Variants in WWOX observed in about 807,000 individuals in gnomAD.
The protein encoded by WWOX is WW domain-containing oxidoreductase.
Under a neutral mutation model 46.2 loss-of-function variants are expected in WWOX, and 69 were observed. The ratio of observed to expected loss-of-function variants is 1.49; its 90% CI spans 1.23 to 1.82. The LOEUF is 1.82. WWOX is among the 40% of genes most tolerant of loss of function. The probability of loss-of-function intolerance (pLI) is 0.00; values close to 1 mark genes in which losing one functional copy is unlikely to be tolerated. For missense variants in WWOX, 919 were observed against 542.6 expected, an observed-to-expected ratio of 1.69 and a Z score of -6.89; for synonymous variants, 359 against 202.6, an observed-to-expected ratio of 1.77 and a Z score of -6.56.
chr16:78,629,259 G>C (rs1462428668), intron 8 of WWOX, among the ~76,000 whole-genome samples: 2 of 151,224 alleles, frequency 1.3e-5, no homozygotes, highest in Non-Finnish European at 2.9e-5. Flanking sequence ...CCTCTGCAAG[G>C]GATGGGGTCA....
intron 4 of WWOX, among the ~76,000 whole-genome samples, chr16:78,144,169 A>G (rs992563898): frequency 5.3e-5 from 8 of 151,806 alleles, no homozygotes; most frequent in East Asian, 1.9e-4. Flanking sequence ...GTTGTATGCA[A>G]TTGTCTATTA....
chr16:78,436,729 G>C (rs1305414939), intron 8 of WWOX, among the ~76,000 whole-genome samples: 1 of 152,106 alleles, frequency 6.6e-6, no homozygotes, highest in Non-Finnish European at 1.5e-5. Context: ...ATTTAGGAGA[G>C]GAATCACTGT....
At chr16:78,481,068 A>C (rs1482017111) in intron 8 of WWOX, among the ~76,000 whole-genome samples, 3 of 152,230 alleles carry the variant, frequency 2.0e-5, no homozygotes, top group East Asian at 1.9e-4. Flanking sequence ...AAAAACAAAA[A>C]TCTAAATTAG....
intron 5 of WWOX, among the ~76,000 whole-genome samples, chr16:78,322,141 C>A (rs1026268009): frequency 1.3e-5 from 2 of 151,934 alleles, no homozygotes; most frequent in African/African-American, 4.8e-5. Flanking sequence ...TCTCACTTGC[C>A]CTGCCAGGGG....
intron 8 of WWOX, among the ~76,000 whole-genome samples, chr16:79,024,173 A>G (rs1161238455): frequency 6.6e-6 from 1 of 152,182 alleles, no homozygotes; most frequent in Non-Finnish European, 1.5e-5. Context: ...CTAGAATTAG[A>G]TCGTGTTGAT....
chr16:78,825,768 A>G (rs1242893315), intron 8 of WWOX: 1 of 592,940 alleles, frequency 1.7e-6, no homozygotes, highest in Non-Finnish European at 3.2e-6. Flanking sequence ...GACCATGTTA[A>G]CTAGTACATT....
chr16:78,790,525 A>G (rs1041127450), intron 8 of WWOX, among the ~76,000 whole-genome samples: 4 of 152,296 alleles, frequency 2.6e-5, no homozygotes, highest in Non-Finnish European at 5.9e-5. Context: ...AGTTCAGCCA[A>G]AAGAGACCAG....
At chr16:79,045,217 G>A (rs565657240) in intron 8 of WWOX, among the ~76,000 whole-genome samples, 18 of 152,298 alleles carry the variant, frequency 1.2e-4, no homozygotes, top group South Asian at 6.2e-4. Flanking sequence ...CTTATGTGGT[G>A]GATGTACCTC....
intron 8 of WWOX, among the ~76,000 whole-genome samples, chr16:78,584,740 A>AG: frequency 6.6e-6 from 1 of 152,348 alleles, no homozygotes; most frequent in South Asian, 2.1e-4. Context: ...GTGATCTTAA[A>AG]GGGGCAGGAA....
chr16:78,476,669 G>A (rs970851766), intron 8 of WWOX, among the ~76,000 whole-genome samples: 2 of 151,632 alleles, frequency 1.3e-5, no homozygotes, highest in African/African-American at 2.4e-5. Flanking sequence ...TTCAAGACCC[G>A]TCCCCCATGA....
chr16:79,095,667 T>C (rs1340405966), intron 8 of WWOX, among the ~76,000 whole-genome samples: 1 of 152,148 alleles, frequency 6.6e-6, no homozygotes, highest in South Asian at 2.1e-4. Context: ...TTTTTCAACA[T>C]GGAACCATTA....
At chr16:78,120,738 C>G (rs1378732596) in intron 4 of WWOX, among the ~76,000 whole-genome samples, 2 of 152,174 alleles carry the variant, frequency 1.3e-5, no homozygotes, top group Non-Finnish European at 2.9e-5. Flanking sequence ...TTGCCATACT[C>G]TTTGATCCTA....
At chr16:78,275,528 G>A (rs1451404657) in intron 5 of WWOX, among the ~76,000 whole-genome samples, 2 of 152,234 alleles carry the variant, frequency 1.3e-5, no homozygotes, top group African/African-American at 4.8e-5. Context: ...CTCAAAGGAT[G>A]AGTGATTTAG....
chr16:78,981,470 C>T (rs2046681018), intron 8 of WWOX, among the ~76,000 whole-genome samples: 1 of 150,208 alleles, frequency 6.7e-6, no homozygotes, highest in African/African-American at 2.5e-5. Context: ...TGGAGTCTTG[C>T]TCTGTCATCC....
At chr16:78,430,012 G>C (rs2083179277) in intron 7 of WWOX, among the ~76,000 whole-genome samples, 1 of 152,154 alleles carries the variant, frequency 6.6e-6, no homozygotes, top group African/African-American at 2.4e-5. Context: ...CTGTTCTCAT[G>C]CTGCTAAGAA....
At chr16:78,304,140 C>T (rs1205975182) in intron 5 of WWOX, among the ~76,000 whole-genome samples, 1 of 152,166 alleles carries the variant, frequency 6.6e-6, no homozygotes. Flanking sequence ...AAAGTGTTTC[C>T]TTCCCGTGGC....
intron 8 of WWOX, among the ~76,000 whole-genome samples, chr16:78,625,720 G>A (rs1342530896): frequency 6.8e-6 from 1 of 146,716 alleles, no homozygotes; most frequent in African/African-American, 2.5e-5. Flanking sequence ...GCTATTAAAA[G>A]TAATGCGGTT....
At chr16:78,565,874 G>T (rs1184089847) in intron 8 of WWOX, among the ~76,000 whole-genome samples, 1 of 151,768 alleles carries the variant, frequency 6.6e-6, no homozygotes, top group African/African-American at 2.4e-5. Flanking sequence ...CTGAAATGTG[G>T]GTAAGACCAT....
intron 5 of WWOX, among the ~76,000 whole-genome samples, chr16:78,193,034 G>A (rs1353000817): frequency 6.6e-6 from 1 of 152,196 alleles, no homozygotes; most frequent in Non-Finnish European, 1.5e-5. Flanking sequence ...GGCTTTCCTG[G>A]GCTCAGCTTC....
Sources: gnomAD v4.1 joint callset for allele counts (sites outside exome capture counted in the v4.1 genomes callset) on GRCh38, gnomAD v4.1.1 for gene constraint, MANE v1.5 for transcripts, NCBI Gene and HGNC (gene_info 2026-07-23, HGNC 2026-07-21) for gene names.